The following EXOC6B variants were observed in gnomAD, a reference collection of about 807,000 sequenced individuals.
EXOC6B encodes the protein exocyst complex component 6B.
A neutral mutation model predicts 113.5 loss-of-function variants in EXOC6B; 54 were observed. The observed-to-expected ratio is 0.48, with a 90% CI of 0.38 to 0.60. The LOEUF is 0.60. Ranked by LOEUF, EXOC6B falls within the 20% of genes least tolerant of loss-of-function variation. The pLI, the probability that EXOC6B is intolerant of heterozygous loss-of-function variation, is 0.00. For missense variants in EXOC6B, 797 were observed against 977.5 expected, an observed-to-expected ratio of 0.82 and a Z score of 2.46; for synonymous variants, 357 against 339.0, an observed-to-expected ratio of 1.05 and a Z score of -0.58.
chr2:72,714,001 A>G (rs1370817338), intron 6 of EXOC6B, among the ~76,000 whole-genome samples: 1 of 152,106 alleles, frequency 6.6e-6, no homozygotes. Flanking sequence ...CTTGATCCCT[A>G]AAAAACCTCC....
chr2:72,612,664 T>C (rs1461330220), intron 6 of EXOC6B, among the ~76,000 whole-genome samples: 1 of 152,188 alleles, frequency 6.6e-6, no homozygotes, highest in Admixed American at 6.5e-5. Context: ...AGCATCAGGT[T>C]AAAAGCTACA....
intron 1 of EXOC6B, among the ~76,000 whole-genome samples, chr2:72,798,636 A>T (rs1685109935): frequency 6.6e-6 from 1 of 152,166 alleles, no homozygotes; most frequent in African/African-American, 2.4e-5. Context: ...TAAAAATTCC[A>T]TTATTTCAGC....
At chr2:72,323,232 A>C (rs1209300594) in intron 20 of EXOC6B, among the ~76,000 whole-genome samples, 4 of 152,228 alleles carry the variant, frequency 2.6e-5, no homozygotes, top group Non-Finnish European at 5.9e-5. Flanking sequence ...CATATGAAAA[A>C]ATGCTCATCA....
intron 18 of EXOC6B, among the ~76,000 whole-genome samples, chr2:72,384,375 T>G (rs748321959): frequency 6.6e-6 from 1 of 151,940 alleles, no homozygotes; most frequent in Non-Finnish European, 1.5e-5. Flanking sequence ...ACTTAATACA[T>G]TAAAAGCCAT....
intron 1 of EXOC6B, among the ~76,000 whole-genome samples, chr2:72,765,340 C>A (rs1397407413): frequency 2.0e-5 from 3 of 152,140 alleles, no homozygotes; most frequent in Non-Finnish European, 4.4e-5. Flanking sequence ...AGGTCTTCTG[C>A]ATACCTGTTT....
At chr2:72,180,643 C>T (rs981382557) in intron 21 of EXOC6B, among the ~76,000 whole-genome samples, 16 of 152,118 alleles carry the variant, frequency 1.1e-4, no homozygotes, top group South Asian at 6.2e-4. Context: ...AACATGGCAC[C>T]GGGCTATAAA....
At chr2:72,547,253 TCA>T (rs1349729014) in intron 8 of EXOC6B, among the ~76,000 whole-genome samples, 3 of 152,188 alleles carry the variant, frequency 2.0e-5, no homozygotes, top group Non-Finnish European at 1.5e-5. Context: ...GGAGCAGAAT[TCA>T]ATAAAAATGA....
intron 18 of EXOC6B, among the ~76,000 whole-genome samples, chr2:72,386,443 AC>A (rs1692034307): frequency 6.6e-6 from 1 of 152,168 alleles, no homozygotes; most frequent in South Asian, 2.1e-4. Flanking sequence ...CAAGTCACAG[AC>A]CTTTAAGGCA....
intron 6 of EXOC6B, among the ~76,000 whole-genome samples, chr2:72,710,902 A>G (rs1044322800): frequency 1.3e-5 from 2 of 152,202 alleles, no homozygotes; most frequent in East Asian, 3.8e-4. Context: ...TCATTTCCTT[A>G]AATCAGTTAC....
At chr2:72,447,173 C>T (rs1291406278) in intron 18 of EXOC6B, among the ~76,000 whole-genome samples, 1 of 152,014 alleles carries the variant, frequency 6.6e-6, no homozygotes, top group Non-Finnish European at 1.5e-5. Flanking sequence ...CTTTTACCAC[C>T]TCTAAAAACC....
chr2:72,336,118 T>C (rs1688677767), intron 19 of EXOC6B, among the ~76,000 whole-genome samples: 1 of 152,094 alleles, frequency 6.6e-6, no homozygotes, highest in South Asian at 2.1e-4. Flanking sequence ...CCTATTTACC[T>C]CAAAAACAAC....
At chr2:72,464,981 A>C (rs1697948415) in intron 18 of EXOC6B, 179 bp downstream of exon 18, 2 of 598,808 alleles carry the variant, frequency 3.3e-6, no homozygotes, top group Non-Finnish European at 5.8e-6. Flanking sequence ...TGCAAAGGTC[A>C]ATGAAAAAAT....
intron 18 of EXOC6B, among the ~76,000 whole-genome samples, chr2:72,423,099 A>G (rs184940695): frequency 4.5e-4 from 69 of 152,272 alleles, no homozygotes; most frequent in Admixed American, 2.5e-3. Flanking sequence ...ACTCACCGCG[A>G]AGATCTGCAG....
chr2:72,187,516 G>A (rs897551047), intron 20 of EXOC6B, among the ~76,000 whole-genome samples: 1 of 152,044 alleles, frequency 6.6e-6, no homozygotes, highest in Non-Finnish European at 1.5e-5. Flanking sequence ...CCTCTCAGTA[G>A]CCAGGGTGTC....
intron 20 of EXOC6B, among the ~76,000 whole-genome samples, chr2:72,273,067 A>G (rs1684589883): frequency 6.6e-6 from 1 of 152,136 alleles, no homozygotes; most frequent in Non-Finnish European, 1.5e-5. Context: ...GATAAACTAT[A>G]ATGGCAATAA....
At chr2:72,578,510 CA>C (rs1270549578) in intron 6 of EXOC6B, among the ~76,000 whole-genome samples, 1 of 152,050 alleles carries the variant, frequency 6.6e-6, no homozygotes, top group Admixed American at 6.5e-5. Context: ...ACCCTTCCTA[CA>C]AAACCCAAGT....
intron 6 of EXOC6B, among the ~76,000 whole-genome samples, chr2:72,587,294 C>T (rs565730231): frequency 6.6e-6 from 1 of 152,256 alleles, no homozygotes; most frequent in Admixed American, 6.5e-5. Flanking sequence ...GACCACTATC[C>T]TAAGCAAACT....
intron 17 of EXOC6B, among the ~76,000 whole-genome samples, chr2:72,469,709 T>C (rs1698278019): frequency 6.6e-6 from 1 of 152,044 alleles, no homozygotes; most frequent in South Asian, 2.1e-4. Context: ...TGGTGAATAT[T>C]TTGTATAAGT....
intron 1 of EXOC6B, among the ~76,000 whole-genome samples, chr2:72,822,183 T>G (rs1311054441): frequency 6.6e-6 from 1 of 152,218 alleles, no homozygotes; most frequent in Non-Finnish European, 1.5e-5. Flanking sequence ...ATAAATGATT[T>G]GTCATCAAAA....
Sources: allele counts gnomAD v4.1 joint callset (sites outside exome capture counted in the v4.1 genomes callset), GRCh38; gene constraint gnomAD v4.1.1; transcripts MANE v1.5; gene names NCBI Gene and HGNC (gene_info 2026-07-23, HGNC 2026-07-21).